The following SUCLG2 variants were observed in gnomAD, a reference collection of about 807,000 sequenced individuals.
SUCLG2 encodes the protein succinate--CoA ligase [GDP-forming] subunit beta, mitochondrial.
SUCLG2 carries 42 observed loss-of-function variants against 47.9 expected under a neutral mutation model. The observed-to-expected ratio is 0.88, with a 90% CI of 0.69 to 1.14. SUCLG2 has a LOEUF of 1.14. SUCLG2 is among the 50% of genes most tolerant of loss of function. SUCLG2 has a pLI of 0.00. For synonymous variants in SUCLG2, 195 were observed against 197.3 expected, an observed-to-expected ratio of 0.99 and a Z score of 0.10; for missense variants, 571 against 525.9, an observed-to-expected ratio of 1.09 and a Z score of -0.84.
intron 9 of SUCLG2, among the ~76,000 whole-genome samples, chr3:67,479,830 A>C (rs1193512493): frequency 6.6e-6 from 1 of 152,194 alleles, no homozygotes; most frequent in Non-Finnish European, 1.5e-5. Flanking sequence ...ACTTTTGGAG[A>C]GAAGGAAAAT....
intron 2 of SUCLG2, among the ~76,000 whole-genome samples, chr3:67,588,633 T>C (rs1444436861): frequency 1.3e-5 from 2 of 152,210 alleles, no homozygotes. Context: ...ACCAAGAGCA[T>C]GCCTGTATTT....
At chr3:67,362,229 G>C (rs892568878) in intron 10 of SUCLG2, among the ~76,000 whole-genome samples, 3 of 152,148 alleles carry the variant, frequency 2.0e-5, no homozygotes, top group African/African-American at 7.2e-5. Context: ...CTATTTAAGA[G>C]AACTTTTCAT....
At chr3:67,529,240 T>G (rs1442769962) in intron 2 of SUCLG2, 54 bp from the exon 3 acceptor site, 1 of 1,452,606 alleles carries the variant, frequency 6.9e-7, no homozygotes, top group Admixed American at 1.9e-5. Context: ...TTTTTTGTTT[T>G]TTAAGCAATA....
intron 9 of SUCLG2, among the ~76,000 whole-genome samples, chr3:67,436,993 T>C (rs746901926): frequency 2.0e-5 from 3 of 152,134 alleles, no homozygotes; most frequent in Non-Finnish European, 4.4e-5. Flanking sequence ...ATGATCAAGA[T>C]AGGAAATAGA....
At chr3:67,431,498 T>C (rs917301841) in intron 9 of SUCLG2, among the ~76,000 whole-genome samples, 2 of 152,086 alleles carry the variant, frequency 1.3e-5, no homozygotes, top group Non-Finnish European at 2.9e-5. Context: ...CAAATGTCCA[T>C]CAATGATAGA....
At chr3:67,434,485 C>T (rs1703566850) in intron 9 of SUCLG2, among the ~76,000 whole-genome samples, 1 of 152,118 alleles carries the variant, frequency 6.6e-6, no homozygotes, top group Admixed American at 6.5e-5. Context: ...GGTGATCATG[C>T]CACTTGTATT....
intron 9 of SUCLG2, among the ~76,000 whole-genome samples, chr3:67,469,101 C>T (rs1704541419): frequency 6.6e-6 from 1 of 152,146 alleles, no homozygotes; most frequent in East Asian, 1.9e-4. Context: ...CTCATACATT[C>T]TAGGAAGGGA....
chr3:67,534,767 G>GAAA (rs2075781187), intron 2 of SUCLG2, among the ~76,000 whole-genome samples: 1 of 34,326 alleles, frequency 2.9e-5, no homozygotes, highest in Non-Finnish European at 4.8e-5. Flanking sequence ...AACACTGATG[G>GAAA]CAAAAAAAAA....
chr3:67,551,019 T>C (rs1345016197), intron 2 of SUCLG2, among the ~76,000 whole-genome samples: 2 of 152,240 alleles, frequency 1.3e-5, no homozygotes, highest in Non-Finnish European at 2.9e-5. Flanking sequence ...GATAAATATG[T>C]TGCCTATTGG....
At chr3:67,551,238 G>T (rs778761548) in intron 2 of SUCLG2, among the ~76,000 whole-genome samples, 21 of 152,166 alleles carry the variant, frequency 1.4e-4, no homozygotes, top group Admixed American at 5.9e-4. Flanking sequence ...ATTTAGTACT[G>T]CCCTGCCACC....
At chr3:67,495,665 A>AG in intron 9 of SUCLG2, 133 bp downstream of exon 9, 1 of 1,123,486 alleles carries the variant, frequency 8.9e-7, no homozygotes, top group South Asian at 1.7e-5. Context: ...AAAAAAAAAA[A>AG]AAGATAGAAG....
At chr3:67,367,739 T>C (rs1361246017) in intron 10 of SUCLG2, among the ~76,000 whole-genome samples, 1 of 152,166 alleles carries the variant, frequency 6.6e-6, no homozygotes, top group African/African-American at 2.4e-5. Flanking sequence ...GAGAGCAAAA[T>C]TGTCCTTAGT....
At chr3:67,639,222 T>C (rs933315729) in intron 1 of SUCLG2, among the ~76,000 whole-genome samples, 2 of 152,246 alleles carry the variant, frequency 1.3e-5, no homozygotes, top group Non-Finnish European at 2.9e-5. Flanking sequence ...CATACTTTCA[T>C]GGACACTATT....
At chr3:67,522,932 G>A (rs1706156630) in intron 4 of SUCLG2, among the ~76,000 whole-genome samples, 1 of 151,746 alleles carries the variant, frequency 6.6e-6, no homozygotes, top group African/African-American at 2.4e-5. Context: ...CCAAAGTGCT[G>A]GGATTACAGG....
chr3:67,450,505 A>G (rs1704030568), intron 9 of SUCLG2, among the ~76,000 whole-genome samples: 2 of 152,216 alleles, frequency 1.3e-5, no homozygotes, highest in Admixed American at 6.5e-5. Flanking sequence ...TTTCCCCAAT[A>G]CTGTATTGTG....
chr3:67,461,285 A>AGCCAACTCATTTCTCATTTCCTGTT (rs1704326121), intron 9 of SUCLG2, among the ~76,000 whole-genome samples: 1 of 152,168 alleles, frequency 6.6e-6, no homozygotes, highest in South Asian at 2.1e-4. Context: ...AGTGCATTGA[A>AGCCAACTCATTTCTCATTTCCTGTT]GCCAACTCAT....
Position 67,436,086 on chromosome 3 carries a change from A to G in SUCLG2, c.1063-35235T>C, listed in dbSNP as rs563112297. Among the ~76,000 whole-genome samples the G allele has an allele frequency of 9.2e-5, 14 of 152,350 alleles. No homozygotes were observed. The East Asian group carries it at 2.5e-3, about 27-fold the overall frequency. ...TTAAGGGCAAACATTAGTTTTGAGCATCACAGAAAGATATGAAATGAAGTC... is the reference window on the plus strand; with the variant it reads ...TTAAGGGCAAACATTAGTTTTGAGCGTCACAGAAAGATATGAAATGAAGTC... On this transcript the variant is annotated intron_variant, in intron 9 of 10. Transcript: ENST00000307227.
chr3:67,383,660 T>C (rs1702205707), intron 10 of SUCLG2, among the ~76,000 whole-genome samples: 2 of 152,174 alleles, frequency 1.3e-5, no homozygotes, highest in African/African-American at 4.8e-5. Context: ...ATGGTGTGTA[T>C]GTGCTATGAT....
At chr3:67,571,001 T>A (rs975868435) in intron 2 of SUCLG2, among the ~76,000 whole-genome samples, 4 of 152,132 alleles carry the variant, frequency 2.6e-5, no homozygotes, top group Admixed American at 1.3e-4. Context: ...ATTTTGCAGT[T>A]TGGATAATTC....
Sources: gnomAD v4.1 joint callset for allele counts (sites outside exome capture counted in the v4.1 genomes callset) on GRCh38, gnomAD v4.1.1 for gene constraint, MANE v1.5 for transcripts, NCBI Gene and HGNC (gene_info 2026-07-23, HGNC 2026-07-21) for gene names.